The following CFDP1 variants were observed in gnomAD, a reference collection of about 807,000 sequenced individuals.
The protein encoded by CFDP1 is heterochromatin-stabilizing protein CFDP1.
Under a neutral mutation model 40.1 loss-of-function variants are expected in CFDP1, and 31 were observed. The observed-to-expected ratio is 0.77, with a 90% CI of 0.58 to 1.04. CFDP1 has a LOEUF of 1.04. Among genes scored for constraint, CFDP1 ranks in the 50% least tolerant of loss-of-function variants. The pLI is 0.00. For missense variants in CFDP1, 423 were observed against 343.4 expected (o/e 1.23, Z -1.83); for synonymous variants, 167 against 120.0 (o/e 1.39, Z -2.56).
Position 75,395,112 on chromosome 16 carries a change from G to A in CFDP1, c.628C>T (p.Pro210Ser), listed in dbSNP as rs1460845297. The part of the protein sequence containing the change: ...KPQANVPSAL[P>S]SLPAGSGLKR... ...CACCCTGACCCGGCAGGGAGTGATG[G>A]CAGAGCTGAAGGAACATTAGCCTGT... Residue 210 changes from proline (P) to serine (S), a missense_variant, in exon 5 of 7, where the codon CCA becomes TCA. Transcript: ENST00000283882. 2 of 1,613,888 alleles carry A rather than the reference G, an allele frequency of 1.2e-6. No homozygotes were observed. Among genetic ancestry groups the A allele is most frequent in the South Asian group, 2.2e-5 (2 of 91,070 alleles).
At chr16:75,371,168 G>A (rs2078748600) in intron 5 of CFDP1, among the ~76,000 whole-genome samples, 2 of 152,288 alleles carry the variant, frequency 1.3e-5, no homozygotes, top group South Asian at 4.1e-4. Context: ...GCTGTCCTTT[G>A]TACCGCAGGA....
At chr16:75,356,725 TA>T (rs970068934) in intron 5 of CFDP1, among the ~76,000 whole-genome samples, 1 of 152,016 alleles carries the variant, frequency 6.6e-6, no homozygotes, top group African/African-American at 2.4e-5. Context: ...GAAAGCTATT[TA>T]AAAAAATAAT....
intron 5 of CFDP1, among the ~76,000 whole-genome samples, chr16:75,323,831 T>A (rs1277182694): frequency 6.6e-6 from 1 of 152,086 alleles, no homozygotes; most frequent in Non-Finnish European, 1.5e-5. Context: ...AACATAGCTG[T>A]TTATTCTCTT....
At chr16:75,426,939 C>T (rs1216094751) in intron 1 of CFDP1, among the ~76,000 whole-genome samples, 2 of 151,610 alleles carry the variant, frequency 1.3e-5, no homozygotes, top group African/African-American at 4.9e-5. Context: ...CTTGTAATCC[C>T]ACCTACTTGG....
At chr16:75,330,161 C>T (rs1290540431) in intron 5 of CFDP1, among the ~76,000 whole-genome samples, 1 of 152,214 alleles carries the variant, frequency 6.6e-6, no homozygotes. Context: ...TGATATTCCT[C>T]AATGACCCAC....
intron 5 of CFDP1, among the ~76,000 whole-genome samples, chr16:75,317,600 T>C (rs2078332174): frequency 6.6e-6 from 1 of 152,210 alleles, no homozygotes; most frequent in Non-Finnish European, 1.5e-5. Flanking sequence ...TATTGACCAA[T>C]ACAAACAGAC....
intron 6 of CFDP1, chr16:75,302,016 A>G (rs543086717): frequency 6.6e-6 from 1 of 152,464 alleles, no homozygotes; most frequent in African/African-American, 2.4e-5. Context: ...CACTGGAAAC[A>G]TGCAGTCACA....
intron 5 of CFDP1, among the ~76,000 whole-genome samples, chr16:75,337,791 G>A (rs781481270): frequency 4.6e-5 from 7 of 152,062 alleles, no homozygotes; most frequent in African/African-American, 7.2e-5. Flanking sequence ...ACCTCCCACC[G>A]GGCCCCTCCT....
chr16:75,412,794 A>G lies in CFDP1; in HGVS notation c.183-40T>C, dbSNP rs200250164. The G allele has an allele frequency of 5.9e-6, 9 of 1,531,770 alleles. No homozygotes were observed. In the African/African-American group the frequency reaches 1.2e-4, roughly 21 times the overall value. The allele number at this position is 1,531,770 out of a possible 1,614,324, so 94.9% of individuals were successfully genotyped here. On this transcript the variant is annotated intron_variant, in intron 2 of 6. Coordinates refer to ENST00000283882, the MANE Select transcript of CFDP1 (RefSeq NM_006324.3). Reference sequence around the variant, plus strand: ...TCACAGGAAAAAGGAAAGACAGCACAAAACGATTTCAGTTATCCCTCTCCC... The same window carrying G: ...TCACAGGAAAAAGGAAAGACAGCACGAAACGATTTCAGTTATCCCTCTCCC...
At chr16:75,367,430 T>TAAAAAAAAAA (rs35774804) in intron 5 of CFDP1, among the ~76,000 whole-genome samples, 1 of 120,050 alleles carries the variant, frequency 8.3e-6, no homozygotes, top group African/African-American at 3.4e-5. Context: ...ACTCCAGAAC[T>TAAAAAAAAAA]AAAAAAAAAA....
At chr16:75,379,611 G>A (rs986508347) in intron 5 of CFDP1, among the ~76,000 whole-genome samples, 2 of 152,104 alleles carry the variant, frequency 1.3e-5, no homozygotes, top group East Asian at 1.9e-4. Context: ...AGGGGGTGAG[G>A]GCAGGAGGAA....
At chr16:75,424,679 A>G (rs1006563984) in intron 1 of CFDP1, among the ~76,000 whole-genome samples, 1 of 151,134 alleles carries the variant, frequency 6.6e-6, no homozygotes, top group Non-Finnish European at 1.5e-5. Context: ...GCGTGAACCC[A>G]GGAGGCAGAG....
chr16:75,356,911 CTTTT>C (rs576406459), intron 5 of CFDP1, among the ~76,000 whole-genome samples: 34 of 80,666 alleles, frequency 4.2e-4, no homozygotes, highest in Admixed American at 7.8e-4. Context: ...TGCTTTCTTT[CTTTT>C]TTTTTTTTTT....
intron 4 of CFDP1, among the ~76,000 whole-genome samples, chr16:75,405,331 T>A (rs558004807): frequency 2.0e-5 from 3 of 152,296 alleles, no homozygotes; most frequent in East Asian, 1.9e-4. Context: ...TTGTAATTTT[T>A]AAAATTTATA....
chr16:75,294,277 AG>A lies in CFDP1; in HGVS notation c.810-236del, dbSNP rs34827858. On this transcript the variant is annotated intron_variant, in intron 6 of 6. Transcript: ENST00000283882. ...GTATATTAGAGGCTGGGTGGCAGGA[AG>A]ATGTTGCAATTTTCTAACAAGACTT... Among the ~76,000 whole-genome samples, 406 of 152,340 alleles carry A rather than the reference AG, an allele frequency of 2.7e-3. 2 individuals are homozygous for A. Among genetic ancestry groups the A allele is most frequent in the Non-Finnish European group, 3.9e-3 (266 of 68,026 alleles).
intron 5 of CFDP1, among the ~76,000 whole-genome samples, chr16:75,353,820 A>G (rs1314761647): frequency 4.6e-5 from 7 of 151,186 alleles, no homozygotes; most frequent in Non-Finnish European, 7.4e-5. Context: ...AAAATGGACC[A>G]TGGTATTAAA....
At chr16:75,355,631 C>T (rs746810197) in intron 5 of CFDP1, among the ~76,000 whole-genome samples, 1 of 152,174 alleles carries the variant, frequency 6.6e-6, no homozygotes, top group Non-Finnish European at 1.5e-5. Flanking sequence ...TTACAATAAT[C>T]TCCATGTGTC....
intron 4 of CFDP1, among the ~76,000 whole-genome samples, chr16:75,398,874 G>A (rs2079021896): frequency 6.6e-6 from 1 of 152,010 alleles, no homozygotes; most frequent in African/African-American, 2.4e-5. Flanking sequence ...CTAACACGGT[G>A]AAACCCCGTC....
intron 5 of CFDP1, among the ~76,000 whole-genome samples, chr16:75,320,708 G>C (rs1461454103): frequency 6.6e-6 from 1 of 152,210 alleles, no homozygotes; most frequent in African/African-American, 2.4e-5. Flanking sequence ...AGGATTGCAT[G>C]AGTGTGTTCA....
Sources: allele counts gnomAD v4.1 joint callset (sites outside exome capture counted in the v4.1 genomes callset), GRCh38; gene constraint gnomAD v4.1.1; transcripts MANE v1.5; gene names NCBI Gene and HGNC (gene_info 2026-07-23, HGNC 2026-07-21).